Variants in CNTNAP2 observed in about 807,000 individuals in gnomAD.
CNTNAP2 encodes contactin associated protein 2.
Under a neutral mutation model 155.2 loss-of-function variants are expected in CNTNAP2, and 98 were observed. The observed-to-expected ratio is 0.63, with a 90% CI of 0.54 to 0.75. CNTNAP2 has a LOEUF of 0.75. CNTNAP2 is among the 30% of genes least tolerant of loss of function. CNTNAP2 has a pLI of 0.00. For synonymous variants in CNTNAP2, 651 were observed against 631.2 expected (o/e 1.03, Z -0.47); for missense variants, 1,727 against 1,688.1 (o/e 1.02, Z -0.40).
At chr7:148,362,304 T>TCGAC (rs1798639752) in intron 21 of CNTNAP2, among the ~76,000 whole-genome samples, 1 of 152,030 alleles carries the variant, frequency 6.6e-6, no homozygotes, top group Non-Finnish European at 1.5e-5. Context: ...TCCCCCCAGG[T>TCGAC]CCCTCCCTTG....
At chr7:148,257,947 A>G (rs56218330) in intron 20 of CNTNAP2, among the ~76,000 whole-genome samples, 55,252 of 151,914 alleles carry the variant, frequency 0.36, 10,224 homozygotes, top group Middle Eastern at 0.43. Flanking sequence ...ACACACACAC[A>G]GACAGATTTA....
At chr7:146,613,995 A>C (rs1468541911) in intron 1 of CNTNAP2, among the ~76,000 whole-genome samples, 3 of 152,162 alleles carry the variant, frequency 2.0e-5, no homozygotes, top group African/African-American at 4.8e-5. Context: ...GAATTCACTA[A>C]GTAGACCCTT....
intron 10 of CNTNAP2, among the ~76,000 whole-genome samples, chr7:147,417,362 T>C (rs1251537972): frequency 6.6e-6 from 1 of 152,204 alleles, no homozygotes. Flanking sequence ...AGGTCATGGA[T>C]GGCCATCTTC....
chr7:148,102,157 G>A (rs1387814523), intron 15 of CNTNAP2, among the ~76,000 whole-genome samples: 2 of 151,860 alleles, frequency 1.3e-5, no homozygotes, highest in African/African-American at 2.4e-5. Flanking sequence ...TAGGCCCCTG[G>A]GTCTGTTGTT....
intron 12 of CNTNAP2, among the ~76,000 whole-genome samples, chr7:147,576,856 A>AC (rs1286459251): frequency 6.6e-6 from 1 of 151,786 alleles, no homozygotes; most frequent in Admixed American, 6.6e-5. Context: ...ATGCTAGCCA[A>AC]CCCCCCTATG....
At chr7:146,770,849 A>C (rs1802282304) in intron 1 of CNTNAP2, among the ~76,000 whole-genome samples, 1 of 152,168 alleles carries the variant, frequency 6.6e-6, no homozygotes, top group South Asian at 2.1e-4. Flanking sequence ...TCAGTTATCA[A>C]CTTAGTTTAA....
rs76632077 is a variant in CNTNAP2 at position 148,043,149 on chromosome 7, G to A, written c.2383+65160G>A. ...GCCTGATACATTGCCACCTCCCAGT[G>A]AGTCACAGTGTCACTAACTCAGAAT... On this transcript the variant is annotated intron_variant, in intron 15 of 23. Transcript: ENST00000361727. Among the ~76,000 whole-genome samples the A allele has an allele frequency of 3.1e-3, 479 of 152,270 alleles. 1 individual carries two copies. The highest frequency in any genetic ancestry group is 0.011 in the African/African-American group (447 of 41,534).
At chr7:148,396,756 T>G (rs1036651839) in intron 22 of CNTNAP2, among the ~76,000 whole-genome samples, 1 of 152,230 alleles carries the variant, frequency 6.6e-6, no homozygotes, top group Non-Finnish European at 1.5e-5. Context: ...TCAGAAATTC[T>G]AAAGACGGAT....
At chr7:146,317,286 A>G (rs1038927001) in intron 1 of CNTNAP2, among the ~76,000 whole-genome samples, 5 of 152,194 alleles carry the variant, frequency 3.3e-5, no homozygotes, top group Admixed American at 3.3e-4. Context: ...ACTAAGCTCT[A>G]ATATAAGTTC....
At chr7:146,239,972 A>T (rs1476142950) in intron 1 of CNTNAP2, among the ~76,000 whole-genome samples, 2 of 152,326 alleles carry the variant, frequency 1.3e-5, no homozygotes, top group Non-Finnish European at 2.9e-5. Context: ...ACATTGGTTT[A>T]TAATTTATTT....
In CNTNAP2 at chr7:147,580,264, C is replaced by T. The variant is rs949961294; in HGVS notation, c.1897+18007C>T. On this transcript the variant is annotated intron_variant, in intron 12 of 23. Coordinates refer to ENST00000361727, the MANE Select transcript of CNTNAP2 (RefSeq NM_014141.6). ...CCCAAGACATTCTAAAATGACCACT[C>T]CTCCCACCCCTGTGAGTTCTCTGTG... Among the ~76,000 whole-genome samples, 7 of 152,194 alleles carry T rather than the reference C, an allele frequency of 4.6e-5. No homozygotes were observed. The South Asian group carries it at 8.3e-4, about 18-fold the overall frequency.
intron 16 of CNTNAP2, chr7:148,133,685 A>G (rs185456352): frequency 6.6e-6 from 1 of 152,280 alleles, no homozygotes; most frequent in Non-Finnish European, 1.5e-5. Context: ...TCCCTTTGGT[A>G]AGAGCTAGTC....
chr7:146,842,899 A>G (rs1171775960), intron 3 of CNTNAP2, among the ~76,000 whole-genome samples: 1 of 141,708 alleles, frequency 7.1e-6, no homozygotes, highest in African/African-American at 2.6e-5. Flanking sequence ...GTTAGCCAGG[A>G]TGGTCTCCAT....
At chr7:147,456,713 A>C (rs1797923464) in intron 10 of CNTNAP2, among the ~76,000 whole-genome samples, 1 of 152,174 alleles carries the variant, frequency 6.6e-6, no homozygotes, top group Non-Finnish European at 1.5e-5. Context: ...AGAAAAATTA[A>C]TCACAGGAAA....
intron 15 of CNTNAP2, among the ~76,000 whole-genome samples, chr7:148,055,740 AAGAAGGAAAAGCATTGCAG>A (rs1802994876): frequency 6.5e-5 from 2 of 30,794 alleles, no homozygotes; most frequent in Non-Finnish European, 1.7e-4. Context: ...CATTGCAGTT[AAGAAGGAAAAGCATTGCAG>A]TTAAGAAGGA....
chr7:146,694,322 G>A (rs1479557013), intron 1 of CNTNAP2, among the ~76,000 whole-genome samples: 1 of 152,178 alleles, frequency 6.6e-6, no homozygotes. Flanking sequence ...ACTTTTCCAC[G>A]TGGATATCCA....
chr7:146,671,706 AAG>A (rs1225720247), intron 1 of CNTNAP2, among the ~76,000 whole-genome samples: 1 of 152,178 alleles, frequency 6.6e-6, no homozygotes, highest in East Asian at 1.9e-4. Context: ...AATAAAAATA[AAG>A]ATAATGATAA....
intron 21 of CNTNAP2, among the ~76,000 whole-genome samples, chr7:148,338,561 AGG>A (rs146944344): frequency 6.7e-6 from 1 of 150,350 alleles, no homozygotes; most frequent in South Asian, 2.1e-4. Context: ...TGGGGGGGTG[AGG>A]GGGGGGTGAG....
chr7:147,449,329 A>G (rs1350221933), intron 10 of CNTNAP2, among the ~76,000 whole-genome samples: 5 of 152,176 alleles, frequency 3.3e-5, no homozygotes, highest in African/African-American at 7.2e-5. Context: ...TTGATTCCTC[A>G]GAATGGCTAC....
Sources: gnomAD v4.1 joint callset for allele counts (sites outside exome capture counted in the v4.1 genomes callset) on GRCh38, gnomAD v4.1.1 for gene constraint, MANE v1.5 for transcripts, NCBI Gene and HGNC (gene_info 2026-07-23, HGNC 2026-07-21) for gene names.